The following SORCS3 variants were observed in gnomAD, a reference collection of about 807,000 sequenced individuals.
SORCS3 encodes the protein VPS10 domain-containing receptor SorCS3.
SORCS3 carries 57 observed loss-of-function variants against 146.3 expected under a neutral mutation model. The observed-to-expected ratio is 0.39, with a 90% CI of 0.31 to 0.49. The LOEUF is 0.49. SORCS3 is among the 20% of genes least tolerant of loss of function. The probability of loss-of-function intolerance (pLI) is 0.92; values close to 1 mark genes in which losing one functional copy is unlikely to be tolerated. For missense variants in SORCS3, 1,341 were observed against 1,575.5 expected, an observed-to-expected ratio of 0.85 and a Z score of 2.52; for synonymous variants, 653 against 618.5, an observed-to-expected ratio of 1.06 and a Z score of -0.83.
chr10:104,815,522 T>C (rs1309368118), intron 1 of SORCS3, among the ~76,000 whole-genome samples: 2 of 148,218 alleles, frequency 1.3e-5, no homozygotes, highest in African/African-American at 5.0e-5. Context: ...CATTTAAATA[T>C]AAATAAAGAT....
intron 2 of SORCS3, among the ~76,000 whole-genome samples, chr10:104,845,848 A>G (rs1259743269): frequency 6.6e-6 from 1 of 152,190 alleles, no homozygotes; most frequent in African/African-American, 2.4e-5. Flanking sequence ...TGTCCCTACC[A>G]CAGGGCAAAG....
intron 14 of SORCS3, among the ~76,000 whole-genome samples, chr10:105,197,700 C>A (rs2056551491): frequency 6.6e-6 from 1 of 152,146 alleles, no homozygotes; most frequent in Non-Finnish European, 1.5e-5. Flanking sequence ...AGCCCCATTT[C>A]TTTTATCTGG....
intron 20 of SORCS3, among the ~76,000 whole-genome samples, chr10:105,230,176 C>T (rs1002853663): frequency 1.3e-5 from 2 of 151,896 alleles, no homozygotes; most frequent in Non-Finnish European, 1.5e-5. Context: ...ATCCCGAGAC[C>T]CTTGTACTCT....
intron 12 of SORCS3, 87 bp from the exon 13 acceptor site, chr10:105,167,171 C>T (rs1010329596): frequency 9.5e-7 from 1 of 1,050,724 alleles, no homozygotes; most frequent in Non-Finnish European, 1.4e-6. Flanking sequence ...CTAGATGAAA[C>T]AATATATGTG....
intron 4 of SORCS3, among the ~76,000 whole-genome samples, chr10:105,017,473 A>G (rs569117802): frequency 2.0e-4 from 31 of 152,352 alleles, no homozygotes; most frequent in Non-Finnish European, 3.7e-4. Flanking sequence ...TGCTAGCAGC[A>G]TAGGATATGG....
intron 2 of SORCS3, among the ~76,000 whole-genome samples, chr10:104,867,525 G>T (rs1344106808): frequency 1.3e-5 from 2 of 152,090 alleles, no homozygotes; most frequent in African/African-American, 4.8e-5. Context: ...TAACCAGGAT[G>T]GTCTCGATCT....
chr10:105,219,183 G>C (rs2056684008), intron 19 of SORCS3, among the ~76,000 whole-genome samples: 1 of 152,154 alleles, frequency 6.6e-6, no homozygotes, highest in African/African-American at 2.4e-5. Context: ...TCATGACTAT[G>C]ATTCATTACA....
intron 5 of SORCS3, among the ~76,000 whole-genome samples, chr10:105,044,819 T>C (rs944307781): frequency 2.6e-5 from 4 of 152,036 alleles, no homozygotes; most frequent in African/African-American, 7.2e-5. Context: ...GTTTGCCCCT[T>C]ACAGGCCTAC....
chr10:104,903,609 G>C (rs1426190218), intron 2 of SORCS3, among the ~76,000 whole-genome samples: 1 of 152,198 alleles, frequency 6.6e-6, no homozygotes, highest in African/African-American at 2.4e-5. Flanking sequence ...TTGGGACCCA[G>C]GAGTTGTTTT....
intron 7 of SORCS3, among the ~76,000 whole-genome samples, chr10:105,116,219 A>G (rs1027940142): frequency 1.3e-5 from 2 of 152,176 alleles, no homozygotes; most frequent in African/African-American, 4.8e-5. Context: ...CCTTCCAGCT[A>G]TGTTTGCCTC....
chr10:104,975,939 A>G (rs928366139), intron 3 of SORCS3, among the ~76,000 whole-genome samples: 1 of 152,242 alleles, frequency 6.6e-6, no homozygotes, highest in Non-Finnish European at 1.5e-5. Flanking sequence ...TAAACATTAG[A>G]CCTAAAACCA....
chr10:104,809,426 G>T (rs1262665007), intron 1 of SORCS3, among the ~76,000 whole-genome samples: 1 of 152,198 alleles, frequency 6.6e-6, no homozygotes, highest in Non-Finnish European at 1.5e-5. Flanking sequence ...TGTTCTTGTG[G>T]CTAGGCATGG....
intron 1 of SORCS3, among the ~76,000 whole-genome samples, chr10:104,805,534 A>G (rs965906867): frequency 8.3e-4 from 126 of 152,228 alleles, no homozygotes; most frequent in African/African-American, 2.9e-3. Flanking sequence ...CCAAAGAGTC[A>G]CCCTGAGGAG....
At chr10:104,774,457 C>G (rs895082149) in intron 1 of SORCS3, among the ~76,000 whole-genome samples, 20 of 152,192 alleles carry the variant, frequency 1.3e-4, no homozygotes, top group Admixed American at 1.2e-3. Flanking sequence ...TTGTCCCTTG[C>G]ATGGTGTCTG....
chr10:104,788,636 A>G (rs2017464049), intron 1 of SORCS3, among the ~76,000 whole-genome samples: 1 of 152,158 alleles, frequency 6.6e-6, no homozygotes, highest in Non-Finnish European at 1.5e-5. Flanking sequence ...TTTGTTTTCT[A>G]TTATGTGTTT....
chr10:104,949,518 T>C (rs2019406890), intron 3 of SORCS3, among the ~76,000 whole-genome samples: 1 of 152,242 alleles, frequency 6.6e-6, no homozygotes, highest in Non-Finnish European at 1.5e-5. Flanking sequence ...CCTCTTCTAC[T>C]TCTTAAGAAA....
intron 1 of SORCS3, among the ~76,000 whole-genome samples, chr10:104,823,082 C>G (rs989626302): frequency 2.6e-5 from 4 of 152,132 alleles, no homozygotes; most frequent in South Asian, 2.1e-4. Flanking sequence ...AGATAGTAAT[C>G]TAGGAAAGGA....
intron 9 of SORCS3, among the ~76,000 whole-genome samples, chr10:105,152,220 G>A (rs1037557031): frequency 2.6e-5 from 4 of 152,126 alleles, no homozygotes; most frequent in African/African-American, 9.7e-5. Flanking sequence ...AATAACCACA[G>A]CATACCTGGC....
At chr10:104,906,091 T>G (rs797012013) in intron 2 of SORCS3, among the ~76,000 whole-genome samples, 1 of 152,194 alleles carries the variant, frequency 6.6e-6, no homozygotes, top group Admixed American at 6.5e-5. Context: ...ACAGACATAA[T>G]TGTGCACATG....
Sources: gnomAD v4.1 joint callset for allele counts (sites outside exome capture counted in the v4.1 genomes callset) on GRCh38, gnomAD v4.1.1 for gene constraint, MANE v1.5 for transcripts, NCBI Gene and HGNC (gene_info 2026-07-23, HGNC 2026-07-21) for gene names.